Variants in ITPR2 observed in about 807,000 individuals in gnomAD.
The protein encoded by ITPR2 is inositol 1,4,5-trisphosphate-gated calcium channel ITPR2.
A neutral mutation model predicts 317.1 loss-of-function variants in ITPR2; 207 were observed. The ratio of observed to expected loss-of-function variants is 0.65; its 90% CI spans 0.58 to 0.73. The LOEUF is 0.73. Ranked by LOEUF, ITPR2 falls within the 30% of genes least tolerant of loss-of-function variation. The pLI, the probability that ITPR2 is intolerant of heterozygous loss-of-function variation, is 0.00. For synonymous variants in ITPR2, 1,156 were observed against 1,149.1 expected (o/e 1.01, Z -0.12); for missense variants, 2,613 against 3,284.0 (o/e 0.80, Z 4.99).
intron 13 of ITPR2, among the ~76,000 whole-genome samples, chr12:26,679,471 G>A (rs1947985267): frequency 6.6e-6 from 1 of 152,122 alleles, no homozygotes; most frequent in Non-Finnish European, 1.5e-5. Context: ...GGACCCTGCA[G>A]GAGCCTTTCA....
intron 2 of ITPR2, among the ~76,000 whole-genome samples, chr12:26,782,717 G>A (rs182743548): frequency 7.2e-5 from 11 of 152,308 alleles, no homozygotes; most frequent in African/African-American, 2.4e-4. Context: ...TCTACTTCAT[G>A]TGATGACCAA....
chr12:26,586,864 C>T (rs1406929886), intron 32 of ITPR2, among the ~76,000 whole-genome samples: 26 of 152,044 alleles, frequency 1.7e-4, no homozygotes, highest in Admixed American at 1.7e-3. Context: ...GTTTGTATTG[C>T]CTAGGACTCC....
chr12:26,655,852 T>A lies in ITPR2; in HGVS notation c.2445A>T (p.Glu815Asp), dbSNP rs765580395. ...TGGAAGAGTCTGTTATAGAATCATA[T>A]CTGGAAATAGAGAAAGAAGATAACG... ...TEIPTKITIH[E>D]YDSITDSSRN... Residue 815 changes from glutamate (E) to aspartate (D), a missense_variant and splice_region_variant, in exon 20 of 57, where the codon GAA (glutamate) becomes GAT (aspartate). Glu to Asp is a conservative substitution (Grantham distance 45). Around this residue, in one of 9 missense-constraint regions of ITPR2, gnomAD observed 817 missense variants for 897.6 expected, o/e 0.91. Coordinates refer to ENST00000381340, the MANE Select transcript of ITPR2 (RefSeq NM_002223.4). The A allele has an allele frequency of 6.2e-7, 1 of 1,605,962 alleles. No individual in the cohort carries two copies. The highest frequency in any genetic ancestry group is 8.5e-7 in the Non-Finnish European group (1 of 1,176,956).
intron 19 of ITPR2, 61 bp from the exon 20 acceptor site, chr12:26,655,913 AAAC>A: frequency 6.7e-7 from 1 of 1,484,872 alleles, no homozygotes; most frequent in Non-Finnish European, 9.2e-7. Flanking sequence ...AAAAATAGGA[AAAC>A]ACACGTAGTT....
Position 26,689,442 on chromosome 12 carries a change from G to GA in ITPR2, c.997-2811dup, listed in dbSNP as rs548513662. Among the ~76,000 whole-genome samples the GA allele has an allele frequency of 4.7e-5, 7 of 150,130 alleles. No individual in the cohort carries two copies. In the East Asian group the frequency reaches 1.4e-3, roughly 30 times the overall value. ...AAGATAAAAAGGAGAAAAGAAAAAA[G>GA]AAAAAAAGAGAGGGAGGGAGGCAGG... On this transcript the variant is annotated intron_variant, in intron 10 of 56. Coordinates refer to ENST00000381340, the MANE Select transcript of ITPR2 (RefSeq NM_002223.4).
intron 55 of ITPR2, among the ~76,000 whole-genome samples, chr12:26,386,759 A>G (rs1939677280): frequency 6.6e-6 from 1 of 152,218 alleles, no homozygotes. Flanking sequence ...CTAAATGTGT[A>G]CACATATACA....
chr12:26,656,577 T>C, intron 18 of ITPR2, 29 bp from the exon 19 acceptor site: 2 of 1,610,242 alleles, frequency 1.2e-6, no homozygotes, highest in South Asian at 2.2e-5. Context: ...ATTACATTAT[T>C]GTCTTATCTC....
At chr12:26,599,896 G>T in intron 29 of ITPR2, 91 bp downstream of exon 29, 1 of 899,446 alleles carries the variant, frequency 1.1e-6, no homozygotes, top group Non-Finnish European at 1.7e-6. Flanking sequence ...AATGAAGCAA[G>T]GAAGTGTAAC....
Position 26,419,157 on chromosome 12 carries a change from G to A in ITPR2, c.7002C>T (p.Thr2334=), listed in dbSNP as rs1022704355. 3.1e-6 allele frequency: 5 copies of A among 1,613,746 alleles called. No homozygotes were observed. Among genetic ancestry groups the A allele is most frequent in the Non-Finnish European group, 4.2e-6 (5 of 1,179,802 alleles). The part of the protein sequence containing the change: ...VSFVGNRGTF[T]RGYRAVILDM... ...CCAGGATGACTGCTCGGTACCCACG[G>A]GTGAACGTGCCACGATTTCCAACAA... The change falls in exon 50 of 57, where the codon ACC becomes ACT. Residue 2334 remains threonine, a synonymous_variant. Transcript: ENST00000381340.
At position 26,809,950 on chromosome 12, in the gene ITPR2, A is replaced by C. The variant is rs146149394; in HGVS notation, c.93-19723T>G. ...AATTATAAATTACATGGAAAAATAC[A>C]TCCATTAGAAGACAAACAATTCTTC... On this transcript the variant is annotated intron_variant, in intron 1 of 56. Transcript: ENST00000381340. Among the ~76,000 whole-genome samples, 1,062 of 152,340 alleles carry C rather than the reference A, an allele frequency of 7.0e-3. 4 individuals are homozygous for C. The highest frequency in any genetic ancestry group is 0.014 in the Middle Eastern group (4 of 294).
Position 26,833,037 on chromosome 12 carries a change from C to A in ITPR2, c.-256G>T. 2.2e-6 allele frequency: 1 copy of A among 450,912 alleles called. No individual in the cohort carries two copies. The highest frequency in any genetic ancestry group is 3.9e-6 in the Non-Finnish European group (1 of 257,930). 27.9% of individuals were successfully genotyped at this position (450,912 alleles called of 1,614,324 possible). A position where few individuals can be genotyped will look rare whatever the true frequency, so the allele number is the denominator to read the frequency against. On this transcript the variant is annotated 5_prime_UTR_variant, in exon 1 of 57. Transcript: ENST00000381340. Reference sequence around the variant, plus strand: ...GCCCAGGCGCCCAGAGAAGCCGCAGCCGCCGCCGCCTCCCCGGCAGGTTTC... The same window carrying A: ...GCCCAGGCGCCCAGAGAAGCCGCAGACGCCGCCGCCTCCCCGGCAGGTTTC...
chr12:26,832,200 C>A (rs944033638), intron 1 of ITPR2, among the ~76,000 whole-genome samples: 1 of 152,174 alleles, frequency 6.6e-6, no homozygotes, highest in East Asian at 1.9e-4. Context: ...CGCAGGACAA[C>A]GCCACACTTT....
chr12:26,731,275 C>T (rs1949024595), intron 2 of ITPR2, among the ~76,000 whole-genome samples: 1 of 152,138 alleles, frequency 6.6e-6, no homozygotes, highest in African/African-American at 2.4e-5. Context: ...ACATGGTTAC[C>T]AAGGGCTTTA....
At chr12:26,817,064 C>T (rs1004623152) in intron 1 of ITPR2, among the ~76,000 whole-genome samples, 2 of 151,100 alleles carry the variant, frequency 1.3e-5, no homozygotes, top group African/African-American at 2.4e-5. Flanking sequence ...ACCTGTAGTC[C>T]CAGCTACTGG....
intron 30 of ITPR2, among the ~76,000 whole-genome samples, chr12:26,597,860 T>C (rs1945888935): frequency 6.6e-6 from 1 of 152,198 alleles, no homozygotes; most frequent in Non-Finnish European, 1.5e-5. Context: ...TGAGATACAT[T>C]GGTGGGTAAC....
At chr12:26,350,202 C>T (rs149535286) in intron 55 of ITPR2, among the ~76,000 whole-genome samples, 30 of 152,134 alleles carry the variant, frequency 2.0e-4, no homozygotes, top group Non-Finnish European at 3.5e-4. Flanking sequence ...AGGACCCCCT[C>T]TGCCAAAAAA....
Position 26,561,953 on chromosome 12 carries a change from C to A in ITPR2, c.4631-1G>T. On this transcript the variant is annotated splice_acceptor_variant, in intron 34 of 56. Coordinates refer to ENST00000381340, the MANE Select transcript of ITPR2 (RefSeq NM_002223.4). LOFTEE classifies it high-confidence loss of function. ...GGAATGGCAATTCCACGATTTTTTG[C>A]TGAAAAAGAAAGATTTAAAATATTT... is the stretch of plus-strand genomic sequence containing the variant. The A allele has an allele frequency of 6.6e-7, 1 of 1,506,194 alleles. No homozygotes were observed. The highest frequency in any genetic ancestry group is 8.8e-7 in the Non-Finnish European group (1 of 1,134,216). The allele number at this position is 1,506,194 out of a possible 1,614,324, so 93.3% of individuals were successfully genotyped here.
intron 45 of ITPR2, among the ~76,000 whole-genome samples, chr12:26,465,309 G>A (rs546570924): frequency 1.3e-5 from 2 of 152,292 alleles, no homozygotes; most frequent in East Asian, 1.9e-4. Flanking sequence ...GCGGAATGGG[G>A]GCAACCTTTA....
intron 54 of ITPR2, among the ~76,000 whole-genome samples, chr12:26,390,020 A>C (rs1235302825): frequency 2.6e-5 from 4 of 152,212 alleles, no homozygotes; most frequent in Non-Finnish European, 5.9e-5. Context: ...GTTGGCACTC[A>C]ATTAAATACT....
Sources: allele counts gnomAD v4.1 joint callset (sites outside exome capture counted in the v4.1 genomes callset), GRCh38; gene constraint gnomAD v4.1.1; regional missense constraint gnomAD v4.1.1; transcripts MANE v1.5; gene names NCBI Gene and HGNC (gene_info 2026-07-23, HGNC 2026-07-21).